STX1B: variants seen among roughly 807,000 people sequenced by gnomAD.
The protein encoded by STX1B is syntaxin-1B.
In STX1B, 7 loss-of-function variants were observed where a neutral mutation model predicts 39.4. The ratio of observed to expected loss-of-function variants is 0.18; its 90% CI spans 0.10 to 0.33. STX1B has a LOEUF of 0.33. STX1B is among the 10% of genes least tolerant of loss of function. The pLI, the probability that STX1B is intolerant of heterozygous loss-of-function variation, is 1.00. For synonymous variants in STX1B, 136 were observed against 144.1 expected, an observed-to-expected ratio of 0.94 and a Z score of 0.40; for missense variants, 198 against 383.2, an observed-to-expected ratio of 0.52 and a Z score of 4.04.
chr16:30,995,447 C>T (rs1401762848), intron 7 of STX1B, among the ~76,000 whole-genome samples: 1 of 151,912 alleles, frequency 6.6e-6, no homozygotes, highest in Non-Finnish European at 1.5e-5. Context: ...CAAAAGTCCA[C>T]TGAGAGAAAC....
chr16:31,001,424 TGGGGCTGGGGCTGGGTGCC>T lies in STX1B; in HGVS notation c.105+86_105+104del. The stretch of plus-strand genomic sequence containing the variant: ...GGGACTAGGGGCTGGGGCTGGGTGC[TGGGGCTGGGGCTGGGTGCC>T]GGGGCTGAGGCTGGGCGGTGGGACT... On this transcript the variant is annotated intron_variant, in intron 2 of 9. Coordinates refer to ENST00000215095, the MANE Select transcript of STX1B (RefSeq NM_052874.5). This position sits in a 1 kb window ranked among gnomAD's most constrained non-coding sequence, Gnocchi z 5.5. 1 of 439,398 alleles carries T rather than the reference TGGGGCTGGGGCTGGGTGCC, an allele frequency of 2.3e-6. No individual in the cohort carries two copies. The highest frequency in any genetic ancestry group is 2.9e-6 in the Non-Finnish European group (1 of 344,026). The allele number at this position is 439,398 out of a possible 1,614,324, so 27.2% of individuals were successfully genotyped here.
At chr16:31,005,763 G>A (rs187871075) in intron 1 of STX1B, among the ~76,000 whole-genome samples, 2 of 152,276 alleles carry the variant, frequency 1.3e-5, no homozygotes, top group African/African-American at 4.8e-5. Flanking sequence ...GCTCTACAGC[G>A]CACAGCTCCT....
chr16:31,010,466 T>C lies in STX1B; in HGVS notation c.-70A>G. 8.6e-7 allele frequency: 1 copy of C among 1,160,540 alleles called. No individual in the cohort carries two copies. The allele number at this position is 1,160,540 out of a possible 1,614,324, so 71.9% of individuals were successfully genotyped here. ...TGCTGCTCCGGGTCTCCCGCCTCTG[T>C]GCCGGAGGCCGGGGTCTGGGGGCGC... On this transcript the variant is annotated 5_prime_UTR_variant, in exon 1 of 10. Transcript: ENST00000215095.
chr16:30,997,703 G>T, intron 4 of STX1B, 128 bp from the exon 5 acceptor site: 1 of 860,030 alleles, frequency 1.2e-6, no homozygotes, highest in Non-Finnish European at 1.8e-6. Flanking sequence ...CCCAGGGCGA[G>T]TTGCGGGCAG....
chr16:30,993,551 T>C (rs1253354148), intron 7 of STX1B, 67 bp from the exon 8 acceptor site: 1 of 1,562,420 alleles, frequency 6.4e-7, no homozygotes, highest in Non-Finnish European at 8.8e-7. Context: ...CGCAGTGGAG[T>C]GGCCAGGGTC....
chr16:30,993,318 CA>C, intron 8 of STX1B, 28 bp downstream of exon 8: 1 of 1,613,718 alleles, frequency 6.2e-7, no homozygotes. Flanking sequence ...GGGAGGCTCC[CA>C]GAGTGGCATG....
chr16:30,999,499 G>A (rs1356066588), intron 4 of STX1B, among the ~76,000 whole-genome samples: 1 of 152,208 alleles, frequency 6.6e-6, no homozygotes, highest in Non-Finnish European at 1.5e-5. Flanking sequence ...TCCCTGGTAT[G>A]AGCAGACAAG....
Position 30,990,965 on chromosome 16 carries a change from AAT to A in STX1B, c.*1854_*1855del, listed in dbSNP as rs2056553548. On this transcript the variant is annotated 3_prime_UTR_variant, in exon 10 of 10. Coordinates refer to ENST00000215095, the MANE Select transcript of STX1B (RefSeq NM_052874.5). ...ACACTGGCCACTCCAGTACTTCTGA[AAT>A]AGACATTTCCCCAAACCCGAGTTCC... is the stretch of plus-strand genomic sequence containing the variant. 1 of 152,248 alleles carries A rather than the reference AAT, an allele frequency of 6.6e-6. No homozygotes were observed. 9.4% of individuals were successfully genotyped at this position (152,248 alleles called of 1,614,324 possible).
At chr16:31,005,175 C>T (rs1299001440) in intron 1 of STX1B, among the ~76,000 whole-genome samples, 1 of 152,206 alleles carries the variant, frequency 6.6e-6, no homozygotes, top group Non-Finnish European at 1.5e-5. Context: ...AAGTGCCCAC[C>T]CTGCTCTGAA....
In STX1B at chr16:31,001,453, G is replaced by A. The variant is rs551279635; in HGVS notation, c.105+76C>T. The A allele has an allele frequency of 1.4e-4, 167 of 1,193,186 alleles. 3 individuals carry two copies. The African/African-American group carries it at 2.4e-3, about 17-fold the overall frequency. The allele number at this position is 1,193,186 out of a possible 1,614,324, so 73.9% of individuals were successfully genotyped here. Reference sequence around the variant, plus strand: ...GCTGGGGCTGGGTGCCGGGGCTGAGGCTGGGCGGTGGGACTAGGGGCTGGG... The same window carrying A: ...GCTGGGGCTGGGTGCCGGGGCTGAGACTGGGCGGTGGGACTAGGGGCTGGG... On this transcript the variant is annotated intron_variant, in intron 2 of 9. Coordinates refer to ENST00000215095, the MANE Select transcript of STX1B (RefSeq NM_052874.5). The surrounding 1 kb of genome is among the most constrained non-coding windows in gnomAD (Gnocchi z 5.5).
chr16:31,003,010 C>A (rs1364425584), intron 1 of STX1B, among the ~76,000 whole-genome samples: 1 of 152,152 alleles, frequency 6.6e-6, no homozygotes, highest in Non-Finnish European at 1.5e-5. Context: ...CCAGACAGCT[C>A]AGATTGAACC....
At chr16:30,996,826 G>A in intron 6 of STX1B, 70 bp from the exon 7 acceptor site, 1 of 1,583,228 alleles carries the variant, frequency 6.3e-7, no homozygotes, top group Non-Finnish European at 8.7e-7. Context: ...GTGATGGGGC[G>A]GGGACCTGGG....
At chr16:31,010,304 A>T in intron 1 of STX1B, 63 bp downstream of exon 1, 1 of 293,466 alleles carries the variant, frequency 3.4e-6, no homozygotes, top group Non-Finnish European at 6.1e-6. Flanking sequence ...CCCCCACTCC[A>T]TCCCCACGCG....
In STX1B at chr16:30,997,498, C is replaced by T; in HGVS notation, c.354+4G>A. On this transcript the variant is annotated splice_donor_region_variant and intron_variant, in intron 5 of 9. Transcript: ENST00000215095. ...CCGACCCCCAATGGGCTGCCGCCTC[C>T]TACCTGGGTCTTGCGGATGCGCAGG... 1 of 1,602,720 alleles carries T rather than the reference C, an allele frequency of 6.2e-7. No individual in the cohort carries two copies. Among genetic ancestry groups the T allele is most frequent in the Non-Finnish European group, 8.5e-7 (1 of 1,175,656 alleles).
chr16:30,993,497 G>C lies in STX1B; in HGVS notation c.538-13C>G, dbSNP rs769977265. The C allele has an allele frequency of 6.2e-7, 1 of 1,612,876 alleles. No individual in the cohort carries two copies. Among genetic ancestry groups the C allele is most frequent in the African/African-American group, 1.3e-5 (1 of 75,060 alleles). On this transcript the variant is annotated splice_polypyrimidine_tract_variant and intron_variant, in intron 7 of 9. Coordinates refer to ENST00000215095, the MANE Select transcript of STX1B (RefSeq NM_052874.5). ...AGTCCATTTTGATCTAGGGTGACGA[G>C]GGAGAGAGCTACAATCACCCTTCTC...
chr16:30,990,020 C>G lies in STX1B; in HGVS notation c.*2801G>C, dbSNP rs1489897825. ...ACGCACACAGACAGCAGCCAACAAG[C>G]AGGCACATCATAGGATGTGGAGGAC... On this transcript the variant is annotated 3_prime_UTR_variant, in exon 10 of 10. Coordinates refer to ENST00000215095, the MANE Select transcript of STX1B (RefSeq NM_052874.5). 6.6e-6 allele frequency: 1 copy of G among 152,506 alleles called. No homozygotes were observed. The highest frequency in any genetic ancestry group is 1.5e-5 in the Non-Finnish European group (1 of 68,144). The allele number at this position is 152,506 out of a possible 1,614,324, so 9.4% of individuals were successfully genotyped here.
intron 4 of STX1B, among the ~76,000 whole-genome samples, chr16:30,999,912 G>A (rs1018626018): frequency 1.4e-4 from 21 of 152,034 alleles, no homozygotes; most frequent in African/African-American, 5.1e-4. Flanking sequence ...GGGGTTTTGT[G>A]CTTTCTGACT....
At chr16:30,999,943 G>C (rs1368420976) in intron 4 of STX1B, among the ~76,000 whole-genome samples, 1 of 152,010 alleles carries the variant, frequency 6.6e-6, no homozygotes, top group Non-Finnish European at 1.5e-5. Context: ...CTGGCTCCTG[G>C]AACTTTGTAG....
intron 6 of STX1B, 28 bp downstream of exon 6, chr16:30,996,923 G>A (rs547861985): frequency 6.3e-7 from 1 of 1,596,950 alleles, no homozygotes; most frequent in South Asian, 1.1e-5. Flanking sequence ...CAAGGAGTTC[G>A]GGGTCCTGGG....
Sources: allele counts gnomAD v4.1 joint callset (sites outside exome capture counted in the v4.1 genomes callset), GRCh38; gene constraint gnomAD v4.1.1; non-coding constraint Gnocchi (gnomAD v3.1); transcripts MANE v1.5; gene names NCBI Gene and HGNC (gene_info 2026-07-23, HGNC 2026-07-21).